RAB21: variants seen among roughly 807,000 people sequenced by gnomAD.
RAB21 encodes the protein ras-related protein Rab-21.
In RAB21, 13 loss-of-function variants were observed where a neutral mutation model predicts 33.1. The observed-to-expected ratio is 0.39, with a 90% CI of 0.26 to 0.62. The LOEUF (loss-of-function observed/expected upper bound fraction) is 0.62. Among genes scored for constraint, RAB21 ranks in the 20% least tolerant of loss-of-function variants. The pLI is 0.48. For synonymous variants in RAB21, 91 were observed against 103.7 expected, an observed-to-expected ratio of 0.88 and a Z score of 0.74; for missense variants, 234 against 279.1, an observed-to-expected ratio of 0.84 and a Z score of 1.15.
In RAB21 at chr12:71,754,975, C is replaced by T. The variant is rs1181071783; in HGVS notation, c.-155C>T. On this transcript the variant is annotated 5_prime_UTR_variant, in exon 1 of 7. Coordinates refer to ENST00000261263, the MANE Select transcript of RAB21 (RefSeq NM_014999.4). The stretch of plus-strand genomic sequence containing the variant: ...CTTCATTCTCGGACTTTCCCTCAGC[C>T]CTTCCAGGCCTCGCCCGAGGAGGGC... 1.5e-6 allele frequency: 1 copy of T among 672,406 alleles called. No individual in the cohort carries two copies. The highest frequency in any genetic ancestry group is 1.9e-5 in the African/African-American group (1 of 51,304). 41.7% of individuals were successfully genotyped at this position (672,406 alleles called of 1,614,324 possible).
Position 71,788,996 on chromosome 12 carries a change from ATCT to A in RAB21, c.*3325_*3327del, listed in dbSNP as rs1304536879. 1 of 151,582 alleles carries A rather than the reference ATCT, an allele frequency of 6.6e-6. No homozygotes were observed. 9.4% of individuals were successfully genotyped at this position (151,582 alleles called of 1,614,324 possible). A position where few individuals can be genotyped will look rare whatever the true frequency, so the allele number is the denominator to read the frequency against. Reference sequence around the variant, plus strand: ...AAGCTATGGCTGTTACTGCATTGAAATCTTTTTTTTTTTTAATAGTAGCCATAT... The same window carrying A: ...AAGCTATGGCTGTTACTGCATTGAAATTTTTTTTTTTAATAGTAGCCATAT... On this transcript the variant is annotated 3_prime_UTR_variant, in exon 7 of 7. Transcript: ENST00000261263.
chr12:71,772,261 T>G (rs997574178), intron 3 of RAB21, among the ~76,000 whole-genome samples: 6 of 152,138 alleles, frequency 3.9e-5, no homozygotes, highest in Admixed American at 6.5e-5. Context: ...CTCTATGTGC[T>G]CTCTCATTAT....
Position 71,755,158 on chromosome 12 carries a change from G to GGGCGGC in RAB21, c.38_43dup (p.Ala13_Ala14dup), listed in dbSNP as rs745789029. On this transcript the variant is annotated inframe_insertion, in exon 1 of 7. Coordinates refer to ENST00000261263, the MANE Select transcript of RAB21 (RefSeq NM_014999.4). ...GCTGCGGCCGGCGGCGGCGGCGGCG[G>GGGCGGC]GGCGGCGGCGGCGGGCCGAGCCTAC... The GGGCGGC allele has an allele frequency of 1.3e-5, 17 of 1,305,288 alleles. No homozygotes were observed. Among genetic ancestry groups the GGGCGGC allele is most frequent in the Non-Finnish European group, 1.7e-5 (17 of 1,026,730 alleles). The allele number at this position is 1,305,288 out of a possible 1,614,324, so 80.9% of individuals were successfully genotyped here. A position where few individuals can be genotyped will look rare whatever the true frequency, so the allele number is the denominator to read the frequency against.
intron 4 of RAB21, among the ~76,000 whole-genome samples, chr12:71,777,444 G>A (rs1475915952): frequency 6.6e-6 from 1 of 152,032 alleles, no homozygotes; most frequent in Non-Finnish European, 1.5e-5. Context: ...TTTTGCTATT[G>A]ATGGACATTT....
rs1363161294 is a variant in RAB21, at chr12:71,800,253, A to G, written c.*14580A>G. On this transcript the variant is annotated 3_prime_UTR_variant, in exon 7 of 7. Coordinates refer to ENST00000261263, the MANE Select transcript of RAB21 (RefSeq NM_014999.4). ...AACTATAGTTTAGTTTGAATTTTCT[A>G]TAATTTTATATAAATAAAATCATAT... 2.0e-5 allele frequency: 3 copies of G among 152,060 alleles called. No individual in the cohort carries two copies. Among genetic ancestry groups the G allele is most frequent in the Non-Finnish European group, 1.5e-5 (1 of 68,006 alleles). The allele number at this position is 152,060 out of a possible 1,614,324, so 9.4% of individuals were successfully genotyped here.
rs1383633059 is a variant in RAB21, at chr12:71,766,419, AT to A, written c.160-3377del. Among the ~76,000 whole-genome samples, 4 of 152,176 alleles carry A rather than the reference AT, an allele frequency of 2.6e-5. No individual in the cohort carries two copies. In the East Asian group the frequency reaches 7.7e-4, roughly 29 times the overall value. On this transcript the variant is annotated intron_variant, in intron 1 of 6. Transcript: ENST00000261263. ...AAGATATTTACCCTCCTTATGCCTC[AT>A]TTTCCACATCTGTAATACATGGGTA...
chr12:71,789,975 T>G lies in RAB21; in HGVS notation c.*4302T>G, dbSNP rs1481103359. ...GTTTTCAATTTCAAGCAGAAATGCT[T>G]CTCTTCTAAATAAATACCACTTAAT... On this transcript the variant is annotated 3_prime_UTR_variant, in exon 7 of 7. Transcript: ENST00000261263. The G allele has an allele frequency of 3.3e-5, 5 of 152,170 alleles. No homozygotes were observed. The highest frequency in any genetic ancestry group is 9.6e-5 in the African/African-American group (4 of 41,452). 9.4% of individuals were successfully genotyped at this position (152,170 alleles called of 1,614,324 possible). A position where few individuals can be genotyped will look rare whatever the true frequency, so the allele number is the denominator to read the frequency against.
At chr12:71,784,779 T>G (rs911721369) in intron 6 of RAB21, among the ~76,000 whole-genome samples, 1 of 152,166 alleles carries the variant, frequency 6.6e-6, no homozygotes, top group Non-Finnish European at 1.5e-5. Flanking sequence ...TTCCCTCATC[T>G]TAAACTCCAT....
At position 71,786,821 on chromosome 12, in the gene RAB21, G is replaced by C. The variant is rs1883300774; in HGVS notation, c.*1148G>C. 1 of 152,100 alleles carries C rather than the reference G, an allele frequency of 6.6e-6. No individual in the cohort carries two copies. The highest frequency in any genetic ancestry group is 2.1e-4 in the South Asian group (1 of 4,830). The allele number at this position is 152,100 out of a possible 1,614,324, so 9.4% of individuals were successfully genotyped here. A position where few individuals can be genotyped will look rare whatever the true frequency, so the allele number is the denominator to read the frequency against. ...GATTGAGCAGTAGCATTTGCCTTTT[G>C]GGTTTTTTGTTTGTTATTATAGAAG... On this transcript the variant is annotated 3_prime_UTR_variant, in exon 7 of 7. Transcript: ENST00000261263.
Position 71,793,466 on chromosome 12 carries a change from T to G in RAB21, c.*7793T>G, listed in dbSNP as rs1474894183. 1 of 152,228 alleles carries G rather than the reference T, an allele frequency of 6.6e-6. No individual in the cohort carries two copies. Among genetic ancestry groups the G allele is most frequent in the African/African-American group, 2.4e-5 (1 of 41,460 alleles). The allele number at this position is 152,228 out of a possible 1,614,324, so 9.4% of individuals were successfully genotyped here. ...TTTTGATATTACAATATAATAAAGT[T>G]AAATCATCTAGTCCTCCTGGCCCTT... is the stretch of plus-strand genomic sequence containing the variant. On this transcript the variant is annotated 3_prime_UTR_variant, in exon 7 of 7. Transcript: ENST00000261263.
Position 71,792,703 on chromosome 12 carries a change from A to G in RAB21, c.*7030A>G, listed in dbSNP as rs564378325. 1.2e-4 allele frequency: 18 copies of G among 152,340 alleles called. No homozygotes were observed. In the South Asian group the frequency reaches 3.7e-3, roughly 32 times the overall value. The allele number at this position is 152,340 out of a possible 1,614,324, so 9.4% of individuals were successfully genotyped here. On this transcript the variant is annotated 3_prime_UTR_variant, in exon 7 of 7. Transcript: ENST00000261263. ...TTTGTTGAGTGCCTTCTGTATGCCCAGTGCACAAACTGCTATGTGCCCAGT... is the reference window on the plus strand; with the variant it reads ...TTTGTTGAGTGCCTTCTGTATGCCCGGTGCACAAACTGCTATGTGCCCAGT...
At position 71,785,756 on chromosome 12, in the gene RAB21, C is replaced by T; in HGVS notation, c.*83C>T. 2 of 1,469,226 alleles carry T rather than the reference C, an allele frequency of 1.4e-6. No individual in the cohort carries two copies. The highest frequency in any genetic ancestry group is 1.9e-6 in the Non-Finnish European group (2 of 1,061,678). The allele number at this position is 1,469,226 out of a possible 1,614,324, so 91.0% of individuals were successfully genotyped here. On this transcript the variant is annotated 3_prime_UTR_variant, in exon 7 of 7. Coordinates refer to ENST00000261263, the MANE Select transcript of RAB21 (RefSeq NM_014999.4). Reference sequence around the variant, plus strand: ...ATGAAGACTGCCATATTCCAAGTCACATTATTTTACCAATGGAATTATAGA... The same window carrying T: ...ATGAAGACTGCCATATTCCAAGTCATATTATTTTACCAATGGAATTATAGA...
chr12:71,762,749 A>G (rs2137641005), intron 1 of RAB21, among the ~76,000 whole-genome samples: 1 of 151,834 alleles, frequency 6.6e-6, no homozygotes, highest in Middle Eastern at 3.4e-3. Context: ...CGCCTGGCTA[A>G]TTTTATATTT....
rs1457746763 is a variant in RAB21 at position 71,790,700 on chromosome 12, T to C, written c.*5027T>C. On this transcript the variant is annotated 3_prime_UTR_variant, in exon 7 of 7. Transcript: ENST00000261263. ...CTATGTATTAATATATCTATATGTT[T>C]ACATATAGAAATACATAGTGTTGTG... is the stretch of plus-strand genomic sequence containing the variant. 1 of 152,166 alleles carries C rather than the reference T, an allele frequency of 6.6e-6. No individual in the cohort carries two copies. The highest frequency in any genetic ancestry group is 2.4e-5 in the African/African-American group (1 of 41,458). The allele number at this position is 152,166 out of a possible 1,614,324, so 9.4% of individuals were successfully genotyped here. A position where few individuals can be genotyped will look rare whatever the true frequency, so the allele number is the denominator to read the frequency against.
At chr12:71,784,515 A>G (rs889274080) in intron 6 of RAB21, among the ~76,000 whole-genome samples, 1 of 144,560 alleles carries the variant, frequency 6.9e-6, no homozygotes, top group Non-Finnish European at 1.5e-5. Context: ...GTTAAGGTTG[A>G]TTTTTTTTTT....
At chr12:71,770,867 A>G (rs1421310878) in intron 3 of RAB21, among the ~76,000 whole-genome samples, 168 bp downstream of exon 3, 4 of 152,206 alleles carry the variant, frequency 2.6e-5, no homozygotes, top group East Asian at 1.9e-4. Context: ...CACCTACAAC[A>G]TGGTGGTGTA....
At position 71,785,727 on chromosome 12, in the gene RAB21, C is replaced by T. The variant is rs186680035; in HGVS notation, c.*54C>T. 1.3e-6 allele frequency: 2 copies of T among 1,587,368 alleles called. No individual in the cohort carries two copies. The highest frequency in any genetic ancestry group is 1.7e-6 in the Non-Finnish European group (2 of 1,158,200). On this transcript the variant is annotated 3_prime_UTR_variant, in exon 7 of 7. Coordinates refer to ENST00000261263, the MANE Select transcript of RAB21 (RefSeq NM_014999.4). ...GAACAAAACTGTGGATCATTGCCCT[C>T]AACATGAAGACTGCCATATTCCAAG...
chr12:71,768,000 C>G (rs1882986778), intron 1 of RAB21, among the ~76,000 whole-genome samples: 1 of 152,218 alleles, frequency 6.6e-6, no homozygotes, highest in South Asian at 2.1e-4. Flanking sequence ...ATTCTTAGCT[C>G]CTATGCTAGC....
At chr12:71,760,941 C>G (rs200282389) in intron 1 of RAB21, among the ~76,000 whole-genome samples, 1 of 151,822 alleles carries the variant, frequency 6.6e-6, no homozygotes, top group African/African-American at 2.4e-5. Context: ...TGCAGTGGCT[C>G]GCACCTATAA....
Sources: allele counts gnomAD v4.1 joint callset (sites outside exome capture counted in the v4.1 genomes callset), GRCh38; gene constraint gnomAD v4.1.1; transcripts MANE v1.5; gene names NCBI Gene and HGNC (gene_info 2026-07-23, HGNC 2026-07-21).